Variants in DNAH9 observed in about 807,000 individuals in gnomAD.
DNAH9 encodes dynein axonemal heavy chain 9.
A neutral mutation model predicts 471.6 loss-of-function variants in DNAH9; 345 were observed. The ratio of observed to expected loss-of-function variants is 0.73; its 90% CI spans 0.67 to 0.80. DNAH9 has a LOEUF of 0.80. Among genes scored for constraint, DNAH9 ranks in the 30% least tolerant of loss-of-function variants. The pLI is 0.00. For synonymous variants in DNAH9, 2,093 were observed against 2,123.6 expected, an observed-to-expected ratio of 0.99 and a Z score of 0.40; for missense variants, 5,407 against 5,609.2, an observed-to-expected ratio of 0.96 and a Z score of 1.15.
intron 19 of DNAH9, among the ~76,000 whole-genome samples, chr17:11,687,454 A>C (rs2074259538): frequency 6.6e-6 from 1 of 152,226 alleles, no homozygotes; most frequent in Admixed American, 6.5e-5. Flanking sequence ...TCTAAAGTCA[A>C]CAGAGAAAGG....
At chr17:11,610,310 CT>C (rs1351533779) in intron 2 of DNAH9, 85 bp from the exon 3 acceptor site, 1 of 1,051,204 alleles carries the variant, frequency 9.5e-7, no homozygotes, top group Non-Finnish European at 1.3e-6. Context: ...ATTTGGGATT[CT>C]GTCTTGGGGT....
intron 32 of DNAH9, among the ~76,000 whole-genome samples, chr17:11,748,792 G>T (rs1967013664): frequency 6.6e-6 from 1 of 152,104 alleles, no homozygotes; most frequent in African/African-American, 2.4e-5. Context: ...AGCTGATAAG[G>T]AGGACCTCTT....
At chr17:11,797,904 C>T in intron 43 of DNAH9, 111 bp downstream of exon 43, 1 of 1,124,842 alleles carries the variant, frequency 8.9e-7, no homozygotes, top group East Asian at 2.5e-5. Context: ...GGAGCTCCGG[C>T]TTCTGCCTTA....
chr17:11,766,959 ACT>A (rs1967967782), intron 36 of DNAH9, among the ~76,000 whole-genome samples: 1 of 127,388 alleles, frequency 7.9e-6, no homozygotes, highest in Non-Finnish European at 1.7e-5. Context: ...ACAGAGCAAG[ACT>A]CTGTCTCAAA....
chr17:11,916,874 C>A (rs145793250), intron 61 of DNAH9, among the ~76,000 whole-genome samples: 1 of 152,212 alleles, frequency 6.6e-6, no homozygotes, highest in African/African-American at 2.4e-5. Context: ...CACAGACACA[C>A]AACATTCTGT....
At chr17:11,719,563 C>A in intron 27 of DNAH9, 73 bp downstream of exon 27, 1 of 1,422,130 alleles carries the variant, frequency 7.0e-7, no homozygotes, top group Non-Finnish European at 9.6e-7. Context: ...AAGGCTAAGA[C>A]GCATCCGTGC....
intron 17 of DNAH9, among the ~76,000 whole-genome samples, chr17:11,674,346 TC>T (rs2074017829): frequency 1.3e-5 from 2 of 152,160 alleles, no homozygotes; most frequent in Admixed American, 1.3e-4. Context: ...CCTAGCATCC[TC>T]CCCACCTCTT....
chr17:11,754,730 G>T (rs1967302821), intron 33 of DNAH9, among the ~76,000 whole-genome samples: 1 of 152,016 alleles, frequency 6.6e-6, no homozygotes, highest in Non-Finnish European at 1.5e-5. Context: ...CTGGATATTA[G>T]ACCTTTGTCA....
At chr17:11,804,542 C>T (rs558381682) in intron 43 of DNAH9, among the ~76,000 whole-genome samples, 10 of 152,064 alleles carry the variant, frequency 6.6e-5, no homozygotes, top group Non-Finnish European at 1.0e-4. Context: ...TCCCTAGAAA[C>T]CAAATAAATA....
intron 62 of DNAH9, among the ~76,000 whole-genome samples, chr17:11,927,708 G>T (rs556217768): frequency 2.6e-5 from 4 of 152,190 alleles, no homozygotes; most frequent in African/African-American, 9.6e-5. Flanking sequence ...TCTGGTCCTG[G>T]GTGAGAAAGC....
chr17:11,691,518 A>G (rs1025696371), intron 20 of DNAH9, among the ~76,000 whole-genome samples: 4 of 152,244 alleles, frequency 2.6e-5, no homozygotes, highest in Non-Finnish European at 5.9e-5. Flanking sequence ...TAACAATGAA[A>G]CAGAAACAAT....
chr17:11,760,172 C>T (rs1967602839), intron 35 of DNAH9, among the ~76,000 whole-genome samples: 1 of 152,212 alleles, frequency 6.6e-6, no homozygotes, highest in South Asian at 2.1e-4. Context: ...AGGTTGATTC[C>T]ATGACTTCGC....
intron 32 of DNAH9, among the ~76,000 whole-genome samples, chr17:11,751,220 C>CA (rs1212801849): frequency 6.6e-6 from 1 of 151,328 alleles, no homozygotes; most frequent in Non-Finnish European, 1.5e-5. Flanking sequence ...AAGAGTAGAG[C>CA]AAAAAACAGA....
chr17:11,639,982 G>A (rs757020657), intron 9 of DNAH9, among the ~76,000 whole-genome samples: 15 of 152,144 alleles, frequency 9.9e-5, no homozygotes, highest in Non-Finnish European at 1.8e-4. Flanking sequence ...CAGCCTGGGC[G>A]ACAAGAGTTA....
At chr17:11,624,309 G>A (rs1218881797) in intron 6 of DNAH9, among the ~76,000 whole-genome samples, 1 of 152,156 alleles carries the variant, frequency 6.6e-6, no homozygotes, top group Non-Finnish European at 1.5e-5. Context: ...AGGAGTTTGA[G>A]ACAAGCCTGG....
intron 35 of DNAH9, among the ~76,000 whole-genome samples, chr17:11,762,796 T>G (rs1276970854): frequency 6.9e-6 from 1 of 144,596 alleles, no homozygotes; most frequent in African/African-American, 2.6e-5. Context: ...TTTTTTTTTT[T>G]TGAGATGGAG....
chr17:11,862,029 C>G (rs575627555), intron 50 of DNAH9, among the ~76,000 whole-genome samples: 3,003 of 149,526 alleles, frequency 0.02, 49 homozygotes, highest in Non-Finnish European at 0.03. Context: ...AGTTTAATTA[C>G]ATCCCATTTG....
In DNAH9 at chr17:11,610,477, C is replaced by G; in HGVS notation, c.696C>G (p.Leu232=). Residue 232 remains leucine (L), a synonymous_variant, in exon 3 of 69, where the codon CTC becomes CTG. Transcript: ENST00000262442. The part of the protein sequence containing the change: ...IKWSYQVQVV[L]KRESSQPLLQ... Reference sequence around the variant, plus strand: ...GGAGCTACCAAGTCCAGGTGGTACTCAAGAGAGAGTCTTCCCAGCCACTCT... The same window carrying G: ...GGAGCTACCAAGTCCAGGTGGTACTGAAGAGAGAGTCTTCCCAGCCACTCT... 6.2e-7 allele frequency: 1 copy of G among 1,613,602 alleles called. No individual in the cohort carries two copies. The highest frequency in any genetic ancestry group is 8.5e-7 in the Non-Finnish European group (1 of 1,179,818).
chr17:11,796,306 A>G (rs545966285), intron 42 of DNAH9, among the ~76,000 whole-genome samples: 1 of 152,392 alleles, frequency 6.6e-6, no homozygotes, highest in East Asian at 1.9e-4. Context: ...TAGCAAGAAT[A>G]GTCCTCCTGC....
Sources: gnomAD v4.1 joint callset for allele counts (sites outside exome capture counted in the v4.1 genomes callset) on GRCh38, gnomAD v4.1.1 for gene constraint, MANE v1.5 for transcripts, NCBI Gene and HGNC (gene_info 2026-07-23, HGNC 2026-07-21) for gene names.